The following C1QTNF3 variants were observed in gnomAD, a reference collection of about 807,000 sequenced individuals.
C1QTNF3 encodes the protein C1q and TNF related 3.
C1QTNF3 carries 26 observed loss-of-function variants against 32.6 expected under a neutral mutation model. The observed-to-expected ratio is 0.80, with a 90% CI of 0.58 to 1.11. The LOEUF (loss-of-function observed/expected upper bound fraction) is 1.11. Among genes scored for constraint, C1QTNF3 ranks in the 50% least tolerant of loss-of-function variants. The probability of loss-of-function intolerance (pLI) is 0.00; values close to 1 mark genes in which losing one functional copy is unlikely to be tolerated. For missense variants in C1QTNF3, 362 were observed against 398.2 expected (o/e 0.91, Z 0.77); for synonymous variants, 155 against 146.0 (o/e 1.06, Z -0.44).
At chr5:34,026,231 C>G (rs1754454990) in intron 4 of C1QTNF3, among the ~76,000 whole-genome samples, 1 of 152,096 alleles carries the variant, frequency 6.6e-6, no homozygotes, top group East Asian at 1.9e-4. Context: ...GGAGATAACA[C>G]GAGGTTGGGC....
At chr5:34,241,819 G>A in the C1QTNF3 span, among the ~76,000 whole-genome samples, 626 of 152,012 alleles carry the variant, frequency 4.1e-3, 6 homozygotes, top group Middle Eastern at 6.8e-3. Flanking sequence ...TTGAGGCCAG[G>A]AGTTCAAGCC....
the C1QTNF3 span, among the ~76,000 whole-genome samples, chr5:34,078,973 G>A: frequency 3.3e-5 from 5 of 151,446 alleles, no homozygotes; most frequent in Non-Finnish European, 5.9e-5. This position sits in a 1 kb window ranked among gnomAD's most constrained non-coding sequence, Gnocchi z 4.0. Context: ...TTCCATCTGC[G>A]TTCATCTATT....
the C1QTNF3 span, among the ~76,000 whole-genome samples, chr5:34,140,662 T>TTCAAAA: frequency 6.6e-6 from 1 of 152,214 alleles, no homozygotes; most frequent in Non-Finnish European, 1.5e-5. Flanking sequence ...AGTCTGCATT[T>TTCAAAA]TGAAGAGGTG....
the C1QTNF3 span, among the ~76,000 whole-genome samples, chr5:34,130,200 A>G: frequency 6.6e-6 from 1 of 152,006 alleles, no homozygotes. Context: ...CCAGCATTTA[A>G]TACATTTAAT....
At chr5:34,195,587 A>T in the C1QTNF3 span, among the ~76,000 whole-genome samples, 3 of 152,236 alleles carry the variant, frequency 2.0e-5, no homozygotes, top group Non-Finnish European at 4.4e-5. Context: ...CATGCCTGTA[A>T]TCCCAGCACT....
chr5:34,070,910 T>C, the C1QTNF3 span, among the ~76,000 whole-genome samples: 5 of 152,188 alleles, frequency 3.3e-5, no homozygotes, highest in Non-Finnish European at 5.9e-5. Context: ...CAGATGGTGT[T>C]GTGCCCTTCA....
chr5:34,176,381 T>C, the C1QTNF3 span, among the ~76,000 whole-genome samples: 2 of 147,812 alleles, frequency 1.4e-5, no homozygotes, highest in Non-Finnish European at 3.0e-5. Context: ...TGTGCACATG[T>C]ACCCTAAAAC....
At chr5:34,197,355 C>T in the C1QTNF3 span, among the ~76,000 whole-genome samples, 1 of 97,108 alleles carries the variant, frequency 1.0e-5, no homozygotes, top group African/African-American at 3.9e-5. Flanking sequence ...AAGTACGATA[C>T]AAGGGTAATA....
the C1QTNF3 span, among the ~76,000 whole-genome samples, chr5:34,120,508 T>G: frequency 6.6e-6 from 1 of 152,120 alleles, no homozygotes; most frequent in African/African-American, 2.4e-5. Flanking sequence ...CTGGTATGAT[T>G]TGGTTGTGTC....
intron 4 of C1QTNF3, among the ~76,000 whole-genome samples, chr5:34,024,957 T>C (rs1394383229): frequency 6.6e-6 from 1 of 152,228 alleles, no homozygotes; most frequent in Non-Finnish European, 1.5e-5. Flanking sequence ...GAAATAGCTT[T>C]AATAGAAGAT....
At chr5:34,033,609 A>G (rs1024172662) in intron 2 of C1QTNF3, 151 bp from the exon 3 acceptor site, 8 of 940,260 alleles carry the variant, frequency 8.5e-6, no homozygotes, top group East Asian at 2.5e-5. Flanking sequence ...AAATAGGGCA[A>G]TAGGCTCTGA....
At chr5:34,213,793 A>T in the C1QTNF3 span, among the ~76,000 whole-genome samples, 1 of 5,024 alleles carries the variant, frequency 2.0e-4, no homozygotes, top group Non-Finnish European at 7.0e-4. Context: ...ATACATATAT[A>T]TATATATATA....
At chr5:34,147,138 T>TAA in the C1QTNF3 span, among the ~76,000 whole-genome samples, 499 of 151,474 alleles carry the variant, frequency 3.3e-3, 4 homozygotes, top group Admixed American at 4.5e-3. Flanking sequence ...TACTAAAAAG[T>TAA]AAAAAAAATA....
chr5:34,037,376 A>G (rs1754767254), intron 1 of C1QTNF3, among the ~76,000 whole-genome samples: 1 of 152,260 alleles, frequency 6.6e-6, no homozygotes, highest in Admixed American at 6.5e-5. Context: ...AGAATTTAAA[A>G]TTCAAGTTGT....
At chr5:34,170,658 C>G in the C1QTNF3 span, among the ~76,000 whole-genome samples, 2 of 152,100 alleles carry the variant, frequency 1.3e-5, no homozygotes, top group Non-Finnish European at 2.9e-5. Flanking sequence ...AGTGCATTAA[C>G]TGAAAATTCA....
the C1QTNF3 span, among the ~76,000 whole-genome samples, chr5:34,110,735 G>A: frequency 6.6e-6 from 1 of 151,908 alleles, no homozygotes; most frequent in African/African-American, 2.4e-5. Flanking sequence ...TATCCTCTGC[G>A]GTCCTGGCTT....
the C1QTNF3 span, among the ~76,000 whole-genome samples, chr5:34,157,780 A>G: frequency 6.6e-6 from 1 of 152,226 alleles, no homozygotes; most frequent in Non-Finnish European, 1.5e-5. Flanking sequence ...GGAACACTGC[A>G]GCCCTTTCAA....
the C1QTNF3 span, among the ~76,000 whole-genome samples, chr5:34,061,643 C>G: frequency 6.6e-6 from 1 of 152,218 alleles, no homozygotes; most frequent in African/African-American, 2.4e-5. Context: ...GGCTTGCACC[C>G]TCTGAAGCCA....
At chr5:34,214,625 T>C in the C1QTNF3 span, among the ~76,000 whole-genome samples, 2 of 152,146 alleles carry the variant, frequency 1.3e-5, no homozygotes, top group African/African-American at 2.4e-5. Context: ...ATAGGTAGTA[T>C]AGCACACCTT....
Sources: gnomAD v4.1 joint callset for allele counts (sites outside exome capture counted in the v4.1 genomes callset) on GRCh38, gnomAD v4.1.1 for gene constraint, Gnocchi (gnomAD v3.1) non-coding constraint, MANE v1.5 for transcripts, NCBI Gene and HGNC (gene_info 2026-07-23, HGNC 2026-07-21) for gene names.